DCC: variants seen among roughly 807,000 people sequenced by gnomAD.
The protein encoded by DCC is netrin receptor DCC.
DCC carries 58 observed loss-of-function variants against 172.5 expected under a neutral mutation model. The ratio of observed to expected loss-of-function variants is 0.34; its 90% confidence interval spans 0.27 to 0.42. The LOEUF (loss-of-function observed/expected upper bound fraction) is 0.42. DCC is among the 10% of genes least tolerant of loss of function. DCC has a pLI of 1.00. For missense variants in DCC, 1,740 were observed against 1,791.0 expected, an observed-to-expected ratio of 0.97 and a Z score of 0.51; for synonymous variants, 709 against 644.5, an observed-to-expected ratio of 1.10 and a Z score of -1.52.
intron 20 of DCC, among the ~76,000 whole-genome samples, chr18:53,412,744 C>T (rs887998447): frequency 2.0e-5 from 3 of 152,100 alleles, no homozygotes; most frequent in African/African-American, 4.8e-5. Flanking sequence ...GCAAGGATCG[C>T]AGCATTTTAT....
intron 2 of DCC, among the ~76,000 whole-genome samples, chr18:52,866,909 A>G (rs2039237756): frequency 6.6e-6 from 1 of 152,096 alleles, no homozygotes; most frequent in African/African-American, 2.4e-5. Context: ...AGCACTTCCA[A>G]TACTATGTTG....
intron 2 of DCC, among the ~76,000 whole-genome samples, chr18:52,865,402 G>C (rs925690000): frequency 6.6e-5 from 10 of 152,074 alleles, no homozygotes; most frequent in African/African-American, 2.4e-4. Flanking sequence ...CTAGATCCTT[G>C]AGGAATCGCC....
At chr18:52,842,711 C>A (rs1277693720) in intron 2 of DCC, among the ~76,000 whole-genome samples, 2 of 152,110 alleles carry the variant, frequency 1.3e-5, no homozygotes, top group African/African-American at 4.8e-5. Flanking sequence ...TTCTAACAAG[C>A]CCTCCAGGTG....
intron 5 of DCC, among the ~76,000 whole-genome samples, chr18:52,972,420 C>A (rs577970929): frequency 6.6e-6 from 1 of 152,064 alleles, no homozygotes; most frequent in South Asian, 2.1e-4. Flanking sequence ...AGATAAGCTC[C>A]ACAGCCTCCA....
intron 5 of DCC, among the ~76,000 whole-genome samples, chr18:53,032,918 C>G (rs1000193178): frequency 2.6e-5 from 4 of 152,136 alleles, no homozygotes; most frequent in Admixed American, 6.6e-5. Context: ...TGAGTTTTCT[C>G]AGCAACCCAC....
intron 5 of DCC, among the ~76,000 whole-genome samples, chr18:53,033,458 A>C (rs775094848): frequency 2.6e-5 from 4 of 152,080 alleles, no homozygotes; most frequent in Non-Finnish European, 4.4e-5. Flanking sequence ...TCAATTGATG[A>C]CTTTGCTTTC....
At chr18:53,180,937 A>G (rs184725054) in intron 9 of DCC, among the ~76,000 whole-genome samples, 90 of 152,228 alleles carry the variant, frequency 5.9e-4, no homozygotes, top group African/African-American at 2.0e-3. Context: ...CAATTGCTTT[A>G]TTGACTTTCT....
At chr18:53,078,197 G>A (rs550794737) in intron 7 of DCC, among the ~76,000 whole-genome samples, 1 of 152,224 alleles carries the variant, frequency 6.6e-6, no homozygotes, top group South Asian at 2.1e-4. Context: ...AGATTGAGAT[G>A]GGAGGAGCAC....
At chr18:53,004,823 C>G (rs2041620375) in intron 5 of DCC, among the ~76,000 whole-genome samples, 1 of 152,148 alleles carries the variant, frequency 6.6e-6, no homozygotes, top group African/African-American at 2.4e-5. Context: ...AAGAAACACA[C>G]TTTAGAGAAG....
At chr18:53,520,645 ATAT>A (rs1358887203) in intron 27 of DCC, among the ~76,000 whole-genome samples, 1 of 151,900 alleles carries the variant, frequency 6.6e-6, no homozygotes, top group Admixed American at 6.6e-5. Context: ...CAAGCTTGAA[ATAT>A]TGAACACTGA....
chr18:52,973,531 C>T (rs2041064475), intron 5 of DCC, among the ~76,000 whole-genome samples: 1 of 152,082 alleles, frequency 6.6e-6, no homozygotes, highest in Admixed American at 6.6e-5. Flanking sequence ...CTTTCATTTC[C>T]AGAGCTCCAA....
At chr18:52,775,293 T>A (rs1247916856) in intron 2 of DCC, among the ~76,000 whole-genome samples, 1 of 151,842 alleles carries the variant, frequency 6.6e-6, no homozygotes, top group Non-Finnish European at 1.5e-5. Context: ...TGTCTAGGGG[T>A]GAATGTTTAC....
At chr18:52,413,876 G>A (rs1986925329) in intron 1 of DCC, among the ~76,000 whole-genome samples, 1 of 151,960 alleles carries the variant, frequency 6.6e-6, no homozygotes, top group Non-Finnish European at 1.5e-5. Flanking sequence ...CAAAGCACTG[G>A]GTACTTATGC....
In DCC at chr18:52,597,388, C is replaced by T. The variant is rs571683235; in HGVS notation, c.92-154666C>T. Among the ~76,000 whole-genome samples, 72 of 152,274 alleles carry T rather than the reference C, an allele frequency of 4.7e-4. 3 individuals are homozygous for T. The South Asian group carries it at 0.015, about 32-fold the overall frequency. ...CTTGGTATTCAGAGTGGGTTCATTA[C>T]AAAGAATATTGTTGCAGCCCTGTCC... On this transcript the variant is annotated intron_variant, in intron 1 of 28. Coordinates refer to ENST00000442544, the MANE Select transcript of DCC (RefSeq NM_005215.4).
chr18:53,415,849 T>G lies in DCC; in HGVS notation c.3131-275T>G, dbSNP rs571863971. Among the ~76,000 whole-genome samples, 5 of 152,198 alleles carry G rather than the reference T, an allele frequency of 3.3e-5. No individual in the cohort carries two copies. The East Asian group carries it at 9.6e-4, about 29-fold the overall frequency. On this transcript the variant is annotated intron_variant, in intron 20 of 28. Transcript: ENST00000442544. ...CTGTTAATTCTAGTTTTAATTAAATTTATATAATTGTTCTCAGTTTATGTT... is the reference window on the plus strand; with the variant it reads ...CTGTTAATTCTAGTTTTAATTAAATGTATATAATTGTTCTCAGTTTATGTT...
intron 5 of DCC, among the ~76,000 whole-genome samples, chr18:52,990,459 G>T (rs796193190): frequency 1.6e-4 from 23 of 142,338 alleles, no homozygotes; most frequent in African/African-American, 5.7e-4. Context: ...AGAATTGCTT[G>T]TACCTGGGAA....
intron 1 of DCC, among the ~76,000 whole-genome samples, chr18:52,366,872 G>A (rs1984887022): frequency 6.6e-6 from 1 of 152,256 alleles, no homozygotes; most frequent in South Asian, 2.1e-4. Flanking sequence ...GCTGCAGGTG[G>A]AGCTGCCTGC....
chr18:52,347,106 G>A lies in DCC; in HGVS notation c.91+6228G>A, dbSNP rs143150433. Among the ~76,000 whole-genome samples, 124 of 152,156 alleles carry A rather than the reference G, an allele frequency of 8.1e-4. 1 individual carries two copies. Among genetic ancestry groups the A allele is most frequent in the African/African-American group, 2.8e-3 (116 of 41,526 alleles). The stretch of plus-strand genomic sequence containing the variant: ...TCCACTGAATTAACTGAATCTTTAG[G>A]ATGTTATCTGATGAAAATACCAACT... On this transcript the variant is annotated intron_variant, in intron 1 of 28. Transcript: ENST00000442544.
chr18:53,473,667 A>T (rs2045725847), intron 25 of DCC, among the ~76,000 whole-genome samples: 1 of 152,234 alleles, frequency 6.6e-6, no homozygotes, highest in South Asian at 2.1e-4. Flanking sequence ...GATTTTACAC[A>T]TGGGAAACAG....
Sources: allele counts gnomAD v4.1 joint callset (sites outside exome capture counted in the v4.1 genomes callset), GRCh38; gene constraint gnomAD v4.1.1; transcripts MANE v1.5; gene names NCBI Gene and HGNC (gene_info 2026-07-23, HGNC 2026-07-21).